ORC3: variants seen among roughly 807,000 people sequenced by gnomAD.
ORC3 encodes the protein origin recognition complex subunit 3.
In ORC3, 78 loss-of-function variants were observed where a neutral mutation model predicts 100.7. The ratio of observed to expected loss-of-function variants is 0.77; its 90% CI spans 0.65 to 0.94. The LOEUF (loss-of-function observed/expected upper bound fraction) is 0.94. ORC3 is among the 40% of genes least tolerant of loss of function. The pLI is 0.00. For synonymous variants in ORC3, 295 were observed against 289.3 expected, an observed-to-expected ratio of 1.02 and a Z score of -0.20; for missense variants, 789 against 823.9, an observed-to-expected ratio of 0.96 and a Z score of 0.52.
intron 2 of ORC3, among the ~76,000 whole-genome samples, chr6:87,597,489 T>C (rs1777536835): frequency 6.6e-6 from 1 of 152,096 alleles, no homozygotes; most frequent in African/African-American, 2.4e-5. Context: ...CACAGGGTTA[T>C]TGAGTATATA....
In ORC3 at chr6:87,614,683, A is replaced by G. The variant is rs1403519258; in HGVS notation, c.874-1631A>G. On this transcript the variant is annotated intron_variant, in intron 8 of 19. Coordinates refer to ENST00000392844, the MANE Select transcript of ORC3 (RefSeq NM_012381.4). ...TCTCCCTCAAGTTCAAAGTTCCACA[A>G]ATCTCTGGGGCAGGGGCAAAATGCC... Among the ~76,000 whole-genome samples, 4 of 152,180 alleles carry G rather than the reference A, an allele frequency of 2.6e-5. 1 individual carries two copies. The highest frequency in any genetic ancestry group is 2.1e-4 in the South Asian group (1 of 4,836).
rs566644302 is a variant in ORC3 at position 87,603,170 on chromosome 6, A to C, written c.178-214A>C. 1.6e-3 allele frequency among the ~76,000 whole-genome samples: 249 copies of C among 151,440 alleles called. 1 individual carries two copies. Among genetic ancestry groups the C allele is most frequent in the African/African-American group, 5.8e-3 (239 of 41,326 alleles). On this transcript the variant is annotated intron_variant, in intron 3 of 19. Coordinates refer to ENST00000392844, the MANE Select transcript of ORC3 (RefSeq NM_012381.4). Reference sequence around the variant, plus strand: ...AATTTGTCTTTTATCTAAAAAGATGAGGTCTCACTATGCCGACCAGGCTTG... The same window carrying C: ...AATTTGTCTTTTATCTAAAAAGATGCGGTCTCACTATGCCGACCAGGCTTG...
chr6:87,607,005 T>C (rs1204242903), intron 5 of ORC3, among the ~76,000 whole-genome samples: 1 of 152,230 alleles, frequency 6.6e-6, no homozygotes, highest in Admixed American at 6.5e-5. Context: ...AGTAAAATAA[T>C]TCATATGACA....
intron 2 of ORC3, 193 bp downstream of exon 2, chr6:87,594,600 T>C: frequency 8.1e-7 from 1 of 1,238,280 alleles, no homozygotes; most frequent in East Asian, 3.1e-5. Context: ...AGAATCCAAT[T>C]ACACCTTCCA....
At chr6:87,668,753 C>T (rs539629442), downstream of ORC3, among the ~76,000 whole-genome samples, 20 of 152,212 alleles carry the variant, frequency 1.3e-4, no homozygotes, top group African/African-American at 4.3e-4. Flanking sequence ...GAAGCTGAGG[C>T]GGGTGGATCA....
chr6:87,667,070 C>T lies in ORC3; in HGVS notation c.2083C>T (p.Pro695Ser), dbSNP rs764365816. ...ACTAGAACTTTTAGGATTTATAAAA[C>T]CTACCAAACAGAAGACTGACCATGT... ...SELELLGFIK[P>S]TKQKTDHVAR... Residue 695 changes from proline to serine, a missense_variant, in exon 20 of 20, where the codon CCT becomes TCT. Coordinates refer to ENST00000392844, the MANE Select transcript of ORC3 (RefSeq NM_012381.4). 1.5e-5 allele frequency: 24 copies of T among 1,612,470 alleles called. No homozygotes were observed. The East Asian group carries it at 5.1e-4, about 34-fold the overall frequency.
intron 11 of ORC3, among the ~76,000 whole-genome samples, chr6:87,632,917 G>A (rs1767535048): frequency 6.6e-6 from 1 of 152,044 alleles, no homozygotes; most frequent in Admixed American, 6.6e-5. Flanking sequence ...CTCAGCACAG[G>A]GATGCACCAC....
chr6:87,673,764 C>T, the ORC3 span, among the ~76,000 whole-genome samples: 2 of 151,786 alleles, frequency 1.3e-5, no homozygotes, highest in Middle Eastern at 3.4e-3. Flanking sequence ...TCACTTGAAC[C>T]CGGGAGGCGG....
chr6:87,625,081 A>G (rs983136313), intron 11 of ORC3, among the ~76,000 whole-genome samples: 2 of 152,128 alleles, frequency 1.3e-5, no homozygotes, highest in African/African-American at 2.4e-5. Context: ...ACATTTTCTT[A>G]ATCCAGTCTA....
chr6:87,646,372 TTTTA>T (rs1197304278), intron 13 of ORC3, among the ~76,000 whole-genome samples: 1 of 152,228 alleles, frequency 6.6e-6, no homozygotes, highest in African/African-American at 2.4e-5. Flanking sequence ...TAGACATTTT[TTTTA>T]TTTCTCTTTA....
At chr6:87,595,941 TCCTCCCACCTCAG>T (rs1777399786) in intron 2 of ORC3, among the ~76,000 whole-genome samples, 1 of 152,118 alleles carries the variant, frequency 6.6e-6, no homozygotes, top group Admixed American at 6.6e-5. Context: ...GCTTAAATGA[TCCTCCCACCTCAG>T]CCTCCCAAGT....
chr6:87,641,225 G>C (rs1346703446), intron 13 of ORC3, among the ~76,000 whole-genome samples: 1 of 152,164 alleles, frequency 6.6e-6, no homozygotes, highest in Non-Finnish European at 1.5e-5. Context: ...ATAATGAAAA[G>C]TGTGCCCCAC....
intron 12 of ORC3, among the ~76,000 whole-genome samples, chr6:87,635,920 G>T (rs555197887): frequency 2.6e-5 from 4 of 151,304 alleles, no homozygotes; most frequent in Non-Finnish European, 5.9e-5. Flanking sequence ...TCTCAGTATA[G>T]CCTCATTTTA....
At chr6:87,636,561 C>A (rs1583103664) in intron 13 of ORC3, 75 bp downstream of exon 13, 2 of 855,152 alleles carry the variant, frequency 2.3e-6, no homozygotes, top group East Asian at 2.4e-5. Flanking sequence ...TCCTCTAGAA[C>A]CCTGCCTGCC....
intron 13 of ORC3, among the ~76,000 whole-genome samples, chr6:87,639,377 C>A (rs1184937081): frequency 6.6e-6 from 1 of 152,194 alleles, no homozygotes; most frequent in African/African-American, 2.4e-5. Context: ...CTCTTACCCC[C>A]ACCATAGTGG....
At chr6:87,650,002 T>A (rs1386599276) in intron 13 of ORC3, among the ~76,000 whole-genome samples, 1 of 151,966 alleles carries the variant, frequency 6.6e-6, no homozygotes, top group African/African-American at 2.4e-5. Context: ...GATTACATTA[T>A]ATGGATATGT....
intron 11 of ORC3, among the ~76,000 whole-genome samples, chr6:87,625,812 TG>T (rs1412808886): frequency 6.6e-6 from 1 of 152,236 alleles, no homozygotes; most frequent in African/African-American, 2.4e-5. Flanking sequence ...AGCGTTTTTA[TG>T]GTTTTAGGTC....
chr6:87,639,738 G>A (rs911830362), intron 13 of ORC3, among the ~76,000 whole-genome samples: 8 of 151,866 alleles, frequency 5.3e-5, no homozygotes, highest in African/African-American at 1.9e-4. Context: ...CCAGCACTTT[G>A]GGAGGCCAAG....
At chr6:87,666,544 T>C (rs1188516022) in intron 19 of ORC3, among the ~76,000 whole-genome samples, 1 of 150,718 alleles carries the variant, frequency 6.6e-6, no homozygotes, top group African/African-American at 2.5e-5. Flanking sequence ...GTTCAAGCGA[T>C]TCTCCTGCCT....
Sources: gnomAD v4.1 joint callset for allele counts (sites outside exome capture counted in the v4.1 genomes callset) on GRCh38, gnomAD v4.1.1 for gene constraint, MANE v1.5 for transcripts, NCBI Gene and HGNC (gene_info 2026-07-23, HGNC 2026-07-21) for gene names.